The following BFAR variants were observed in gnomAD, a reference collection of about 807,000 sequenced individuals.
The protein encoded by BFAR is bifunctional apoptosis regulator.
Under a neutral mutation model 54.4 loss-of-function variants are expected in BFAR, and 52 were observed. The observed-to-expected ratio is 0.96, with a 90% CI of 0.77 to 1.21. The LOEUF (loss-of-function observed/expected upper bound fraction) is 1.21. Among genes scored for constraint, BFAR ranks in the 50% most tolerant of loss-of-function variants. The pLI is 0.00. For missense variants in BFAR, 571 were observed against 534.0 expected (o/e 1.07, Z -0.68); for synonymous variants, 215 against 204.3 (o/e 1.05, Z -0.45).
At chr16:14,663,235 C>T (rs1960341863) in intron 6 of BFAR, among the ~76,000 whole-genome samples, 1 of 152,106 alleles carries the variant, frequency 6.6e-6, no homozygotes, top group African/African-American at 2.4e-5. Flanking sequence ...TCCCACCTTG[C>T]CCTCCCAAAG....
chr16:14,639,614 C>T (rs1363476472), intron 1 of BFAR, among the ~76,000 whole-genome samples: 1 of 152,182 alleles, frequency 6.6e-6, no homozygotes, highest in East Asian at 1.9e-4. Flanking sequence ...TGAGCCACCA[C>T]GCCAGGCCAG....
rs549475378 is a variant in BFAR, at chr16:14,637,847, AT to A, written c.-74+4838del. 1.2e-4 allele frequency among the ~76,000 whole-genome samples: 18 copies of A among 148,384 alleles called. No homozygotes were observed. In the East Asian group the frequency reaches 2.4e-3, roughly 20 times the overall value. ...CCATCTCAGAAAAAAAAAAAAAGTC[AT>A]TTTTTTTTCCTGCAATGTATTTTAT... On this transcript the variant is annotated intron_variant, in intron 1 of 7. Coordinates refer to ENST00000261658, the MANE Select transcript of BFAR (RefSeq NM_016561.3).
intron 4 of BFAR, among the ~76,000 whole-genome samples, chr16:14,653,623 A>C (rs2151840831): frequency 6.6e-6 from 1 of 152,060 alleles, no homozygotes; most frequent in Middle Eastern, 3.4e-3. Flanking sequence ...CACCGCCCCC[A>C]GCCAGAATTT....
chr16:14,667,879 G>A lies in BFAR; in HGVS notation c.*52G>A. 4 of 1,558,712 alleles carry A rather than the reference G, an allele frequency of 2.6e-6. No individual in the cohort carries two copies. Among genetic ancestry groups the A allele is most frequent in the Non-Finnish European group, 3.5e-6 (4 of 1,133,954 alleles). ...CAAGTCCCGCTGACGTCTGAGCTTT[G>A]ATGCTTAAGAGGGGTGAGGCAGGGA... is the stretch of plus-strand genomic sequence containing the variant. On this transcript the variant is annotated 3_prime_UTR_variant, in exon 8 of 8. Coordinates refer to ENST00000261658, the MANE Select transcript of BFAR (RefSeq NM_016561.3).
chr16:14,659,106 A>G (rs1444671049), intron 5 of BFAR, among the ~76,000 whole-genome samples: 2 of 151,346 alleles, frequency 1.3e-5, no homozygotes, highest in Non-Finnish European at 2.9e-5. Context: ...ACGGGGTTTC[A>G]CCGTGTTGGC....
At chr16:14,640,641 TC>T (rs759472666) in intron 1 of BFAR, among the ~76,000 whole-genome samples, 6 of 152,168 alleles carry the variant, frequency 3.9e-5, no homozygotes, top group Non-Finnish European at 7.4e-5. Context: ...GTGAGACTGT[TC>T]CAGGACACGG....
chr16:14,658,594 G>T (rs545026355), intron 5 of BFAR, among the ~76,000 whole-genome samples: 1 of 151,926 alleles, frequency 6.6e-6, no homozygotes, highest in African/African-American at 2.4e-5. Context: ...TTAGCTGGGC[G>T]TGGTGGTGGG....
intron 5 of BFAR, among the ~76,000 whole-genome samples, chr16:14,661,679 C>T (rs1188974431): frequency 6.6e-6 from 1 of 152,120 alleles, no homozygotes; most frequent in Non-Finnish European, 1.5e-5. Flanking sequence ...TTGGGATTTA[C>T]AGGCGTGAGC....
At chr16:14,660,505 G>A (rs1424844164) in intron 5 of BFAR, among the ~76,000 whole-genome samples, 1 of 149,280 alleles carries the variant, frequency 6.7e-6, no homozygotes, top group South Asian at 2.1e-4. Context: ...GGCTGGTCTC[G>A]AACTCCTGAC....
At chr16:14,641,980 A>G (rs1567484989) in intron 1 of BFAR, among the ~76,000 whole-genome samples, 1 of 152,146 alleles carries the variant, frequency 6.6e-6, no homozygotes, top group Non-Finnish European at 1.5e-5. Flanking sequence ...AACTCCCACT[A>G]TGGTTAAGTG....
At position 14,667,947 on chromosome 16, in the gene BFAR, T is replaced by A; in HGVS notation, c.*120T>A. ...TACCCTCAGTAAAACAAGGTGCTGCTTTGTATATCAAAAGCTCCAACCATG... is the reference window on the plus strand; with the variant it reads ...TACCCTCAGTAAAACAAGGTGCTGCATTGTATATCAAAAGCTCCAACCATG... On this transcript the variant is annotated 3_prime_UTR_variant, in exon 8 of 8. Transcript: ENST00000261658. The A allele has an allele frequency of 2.7e-6, 3 of 1,095,676 alleles. No homozygotes were observed. Among genetic ancestry groups the A allele is most frequent in the Non-Finnish European group, 4.0e-6 (3 of 755,532 alleles). 67.9% of individuals were successfully genotyped at this position (1,095,676 alleles called of 1,614,324 possible). A position where few individuals can be genotyped will look rare whatever the true frequency, so the allele number is the denominator to read the frequency against.
intron 5 of BFAR, among the ~76,000 whole-genome samples, chr16:14,658,462 C>A (rs1412978314): frequency 6.6e-6 from 1 of 152,150 alleles, no homozygotes; most frequent in East Asian, 1.9e-4. Context: ...GTCTGCAGTT[C>A]CATTTTACAG....
intron 6 of BFAR, 50 bp from the exon 7 acceptor site, chr16:14,664,819 T>G: frequency 6.5e-7 from 1 of 1,538,112 alleles, no homozygotes; most frequent in Non-Finnish European, 9.0e-7. Flanking sequence ...CAATATTTTG[T>G]GTAAAAGTCA....
chr16:14,665,118 A>G, intron 7 of BFAR, 47 bp downstream of exon 7: 1 of 1,498,120 alleles, frequency 6.7e-7, no homozygotes, highest in African/African-American at 1.4e-5. Context: ...GGAAAGAAAT[A>G]CCAAGTGAGA....
At chr16:14,649,697 C>A in intron 3 of BFAR, 107 bp from the exon 4 acceptor site, 2 of 1,022,108 alleles carry the variant, frequency 2.0e-6, no homozygotes, top group South Asian at 1.7e-5. Context: ...GGCTCCGCAT[C>A]ATTCCCTGTG....
intron 2 of BFAR, among the ~76,000 whole-genome samples, chr16:14,645,920 G>A (rs1401804562): frequency 2.6e-5 from 4 of 152,158 alleles, no homozygotes; most frequent in Non-Finnish European, 1.5e-5. Context: ...TCAGGCTGGA[G>A]TGCAGTGGTA....
intron 1 of BFAR, among the ~76,000 whole-genome samples, chr16:14,639,296 G>GA (rs1959549847): frequency 6.6e-6 from 1 of 151,792 alleles, no homozygotes; most frequent in Non-Finnish European, 1.5e-5. Flanking sequence ...CAGCACCCCA[G>GA]AACTAAGAAA....
rs758806593 is a variant in BFAR at position 14,648,552 on chromosome 16, G to A, written c.428G>A (p.Gly143Glu). The A allele has an allele frequency of 1.9e-6, 3 of 1,613,872 alleles. No individual in the cohort carries two copies. Among genetic ancestry groups the A allele is most frequent in the Admixed American group, 3.3e-5 (2 of 59,948 alleles). The change falls in exon 3 of 8, where the codon GGA becomes GAA. Residue 143 changes from glycine to glutamate, a missense_variant. Transcript: ENST00000261658. Reference sequence around the variant, plus strand: ...CGAGCGAATCAGCAGATGGGAGGGGGATTCTTTTCCGGTGTGCTCACAGCT... The same window carrying A: ...CGAGCGAATCAGCAGATGGGAGGGGAATTCTTTTCCGGTGTGCTCACAGCT... ...TGRANQQMGG[G>E]FFSGVLTALT...
At chr16:14,649,037 T>C (rs1404053299) in intron 3 of BFAR, among the ~76,000 whole-genome samples, 2 of 151,580 alleles carry the variant, frequency 1.3e-5, no homozygotes, top group Admixed American at 1.3e-4. Flanking sequence ...GCACTTCAAA[T>C]GTGTGAATTT....
Sources: gnomAD v4.1 joint callset for allele counts (sites outside exome capture counted in the v4.1 genomes callset) on GRCh38, gnomAD v4.1.1 for gene constraint, MANE v1.5 for transcripts, NCBI Gene and HGNC (gene_info 2026-07-23, HGNC 2026-07-21) for gene names.